KCND3: variants seen among roughly 807,000 people sequenced by gnomAD.
The protein encoded by KCND3 is A-type voltage-gated potassium channel KCND3.
In KCND3, 9 loss-of-function variants were observed where a neutral mutation model predicts 51.1. That is an observed-to-expected ratio of 0.18 (90% CI 0.11 to 0.31). The LOEUF is 0.31. Ranked by LOEUF, KCND3 falls within the 10% of genes least tolerant of loss-of-function variation. The pLI, the probability that KCND3 is intolerant of heterozygous loss-of-function variation, is 1.00. For missense variants in KCND3, 526 were observed against 903.8 expected (o/e 0.58, Z 5.36); for synonymous variants, 349 against 368.0 (o/e 0.95, Z 0.59).
intron 2 of KCND3, among the ~76,000 whole-genome samples, chr1:111,905,972 G>A (rs1670633142): frequency 6.6e-6 from 1 of 152,224 alleles, no homozygotes; most frequent in African/African-American, 2.4e-5. Flanking sequence ...AGTTGGATGA[G>A]CTGTCAGCAG....
intron 2 of KCND3, among the ~76,000 whole-genome samples, chr1:111,793,027 G>A (rs892332696): frequency 6.6e-6 from 1 of 151,438 alleles, no homozygotes; most frequent in African/African-American, 2.4e-5. Flanking sequence ...TTGCCACCAT[G>A]CCCAGCTGAT....
chr1:111,856,567 AC>A (rs923838713), intron 2 of KCND3, among the ~76,000 whole-genome samples: 5 of 151,610 alleles, frequency 3.3e-5, no homozygotes, highest in East Asian at 1.9e-4. Flanking sequence ...CTCAGGCCAG[AC>A]CCCCCCTTGC....
At chr1:111,896,348 C>T (rs1393875247) in intron 2 of KCND3, among the ~76,000 whole-genome samples, 7 of 152,240 alleles carry the variant, frequency 4.6e-5, no homozygotes, top group Non-Finnish European at 1.0e-4. Flanking sequence ...GATCTCAGCT[C>T]GCTGTCATTA....
chr1:111,883,709 T>C (rs949326269), intron 2 of KCND3, among the ~76,000 whole-genome samples: 3 of 152,238 alleles, frequency 2.0e-5, no homozygotes, highest in Non-Finnish European at 4.4e-5. Context: ...CTTTCAACCA[T>C]GTCAATGACT....
chr1:111,950,524 T>C (rs950535007), intron 2 of KCND3, among the ~76,000 whole-genome samples: 3 of 152,124 alleles, frequency 2.0e-5, no homozygotes, highest in African/African-American at 4.8e-5. Context: ...GCTATAAAAA[T>C]TGTTGAATAG....
intron 1 of KCND3, among the ~76,000 whole-genome samples, chr1:111,983,582 C>T (rs147904664): frequency 1.3e-5 from 2 of 152,158 alleles, no homozygotes; most frequent in East Asian, 3.8e-4. Flanking sequence ...GTCTTGGCTT[C>T]TTGGTTCACC....
At chr1:111,845,547 AGG>A (rs1667507692) in intron 2 of KCND3, among the ~76,000 whole-genome samples, 1 of 150,708 alleles carries the variant, frequency 6.6e-6, no homozygotes, top group African/African-American at 2.4e-5. Context: ...CCAATACCCC[AGG>A]GTCTCCTCCT....
chr1:111,937,063 C>T lies in KCND3; in HGVS notation c.1106+44558G>A, dbSNP rs544114363. On this transcript the variant is annotated intron_variant, in intron 2 of 7. Transcript: ENST00000302127. ...AGAATGCATAAACATTTAAAAGGTA[C>T]GAACAGTAGGCAGACATTGATGGAT... is the stretch of plus-strand genomic sequence containing the variant. Among the ~76,000 whole-genome samples, 37 of 152,210 alleles carry T rather than the reference C, an allele frequency of 2.4e-4. No individual in the cohort carries two copies. In the South Asian group the frequency reaches 4.4e-3, roughly 18 times the overall value.
chr1:111,807,654 C>T (rs146568499), intron 2 of KCND3, among the ~76,000 whole-genome samples: 8 of 152,164 alleles, frequency 5.3e-5, no homozygotes, highest in East Asian at 1.9e-4. Context: ...CCAACCTGGG[C>T]GACAGAGCAA....
intron 6 of KCND3, 34 bp from the exon 7 acceptor site, chr1:111,777,307 G>C: frequency 6.2e-7 from 1 of 1,610,484 alleles, no homozygotes; most frequent in Non-Finnish European, 8.5e-7. Context: ...AGTAGGAAAA[G>C]GAGGTAGGGA....
intron 2 of KCND3, among the ~76,000 whole-genome samples, chr1:111,901,187 A>G (rs549831125): frequency 6.6e-6 from 1 of 152,030 alleles, no homozygotes; most frequent in South Asian, 2.1e-4. Context: ...ATTAAGGATA[A>G]ATAGTGACAT....
chr1:111,869,062 A>G (rs964792476), intron 2 of KCND3, among the ~76,000 whole-genome samples: 1 of 152,136 alleles, frequency 6.6e-6, no homozygotes. Context: ...GCTCCACACC[A>G]TACTTCCTTC....
intron 2 of KCND3, among the ~76,000 whole-genome samples, chr1:111,944,307 C>T (rs924373606): frequency 6.6e-6 from 1 of 152,216 alleles, no homozygotes; most frequent in African/African-American, 2.4e-5. Context: ...GTGCTGCTGG[C>T]TTACACACCT....
At chr1:111,891,863 A>G (rs1404235037) in intron 2 of KCND3, among the ~76,000 whole-genome samples, 1 of 152,196 alleles carries the variant, frequency 6.6e-6, no homozygotes, top group African/African-American at 2.4e-5. Flanking sequence ...CTTTCTGACC[A>G]TCTACTATGT....
chr1:111,985,021 C>T (rs76639711), intron 1 of KCND3, among the ~76,000 whole-genome samples: 3,278 of 152,236 alleles, frequency 0.022, 117 homozygotes, highest in African/African-American at 0.073. Context: ...TGAGCACTTA[C>T]GCTATGCAAG....
At chr1:111,940,454 GT>G (rs1672462727) in intron 2 of KCND3, among the ~76,000 whole-genome samples, 1 of 152,116 alleles carries the variant, frequency 6.6e-6, no homozygotes. Context: ...TGGCTAGCCT[GT>G]TTTCCCAACA....
At position 111,933,133 on chromosome 1, in the gene KCND3, T is replaced by A. The variant is rs192894760; in HGVS notation, c.1106+48488A>T. On this transcript the variant is annotated intron_variant, in intron 2 of 7. Transcript: ENST00000302127. The stretch of plus-strand genomic sequence containing the variant: ...CTGATGGTTTTGTAAGCATCTGGCA[T>A]TTCCCCTATTGGCACTCATTCTCTT... Among the ~76,000 whole-genome samples, 196 of 152,322 alleles carry A rather than the reference T, an allele frequency of 1.3e-3. 1 individual carries two copies. The highest frequency in any genetic ancestry group is 4.5e-3 in the African/African-American group (189 of 41,564).
At chr1:111,845,550 G>T (rs186206203) in intron 2 of KCND3, among the ~76,000 whole-genome samples, 5 of 152,030 alleles carry the variant, frequency 3.3e-5, no homozygotes, top group African/African-American at 1.2e-4. Flanking sequence ...ATACCCCAGG[G>T]TCTCCTCCTG....
intron 2 of KCND3, among the ~76,000 whole-genome samples, chr1:111,946,560 C>A (rs1443068172): frequency 6.6e-6 from 1 of 152,206 alleles, no homozygotes; most frequent in East Asian, 1.9e-4. Flanking sequence ...GCCAGGATCA[C>A]TCCCAAGTCT....
Sources: allele counts gnomAD v4.1 joint callset (sites outside exome capture counted in the v4.1 genomes callset), GRCh38; gene constraint gnomAD v4.1.1; transcripts MANE v1.5; gene names NCBI Gene and HGNC (gene_info 2026-07-23, HGNC 2026-07-21).